RBM39: variants seen among roughly 807,000 people sequenced by gnomAD.
RBM39 encodes RNA-binding protein 39.
Under a neutral mutation model 79.6 loss-of-function variants are expected in RBM39, and 12 were observed. That is an observed-to-expected ratio of 0.15 (90% CI 0.10 to 0.24). The LOEUF (loss-of-function observed/expected upper bound fraction) is 0.24, where lower values mean the gene tolerates loss of function less well. Among genes scored for constraint, RBM39 ranks in the 10% least tolerant of loss-of-function variants. RBM39 has a pLI of 1.00. For synonymous variants in RBM39, 185 were observed against 208.4 expected, an observed-to-expected ratio of 0.89 and a Z score of 0.97; for missense variants, 243 against 653.4, an observed-to-expected ratio of 0.37 and a Z score of 6.85.
intron 4 of RBM39, among the ~76,000 whole-genome samples, chr20:35,730,813 G>A (rs946336015): frequency 6.6e-6 from 1 of 151,984 alleles, no homozygotes; most frequent in Non-Finnish European, 1.5e-5. Context: ...TACAGCATTC[G>A]AAATTAAAAT....
At position 35,702,397 on chromosome 20, in the gene RBM39, T is replaced by C. The variant is rs1352678829; in HGVS notation, c.*2084A>G. ...TTCAAGTTACTACACTCCAACCACA[T>C]TTCCTCTGAACATTATTTACACACC... On this transcript the variant is annotated 3_prime_UTR_variant, in exon 17 of 17. Coordinates refer to ENST00000253363, the MANE Select transcript of RBM39 (RefSeq NM_184234.3). 1.3e-5 allele frequency: 2 copies of C among 152,224 alleles called. No individual in the cohort carries two copies. The highest frequency in any genetic ancestry group is 2.9e-5 in the Non-Finnish European group (2 of 68,042). 9.4% of individuals were successfully genotyped at this position (152,224 alleles called of 1,614,324 possible).
intron 14 of RBM39, among the ~76,000 whole-genome samples, chr20:35,705,792 A>C (rs1345742207): frequency 6.6e-6 from 1 of 152,092 alleles, no homozygotes; most frequent in Non-Finnish European, 1.5e-5. Context: ...CGTCTCAAAA[A>C]AAAAAAAAAG....
chr20:35,723,674 G>A (rs1350595186), intron 8 of RBM39, among the ~76,000 whole-genome samples: 2 of 152,062 alleles, frequency 1.3e-5, no homozygotes, highest in Non-Finnish European at 1.5e-5. Context: ...CTGACCTCAG[G>A]TGATCCGCCC....
intron 8 of RBM39, among the ~76,000 whole-genome samples, chr20:35,722,825 T>C (rs2038151966): frequency 6.6e-6 from 1 of 151,790 alleles, no homozygotes; most frequent in Admixed American, 6.6e-5. Flanking sequence ...TCTCAGCTAC[T>C]TGAGAGACTC....
intron 2 of RBM39, chr20:35,739,723 A>C (rs1366291402): frequency 9.0e-6 from 3 of 333,678 alleles, no homozygotes. Context: ...ATTAAAACAG[A>C]AAGTAGCTCT....
At chr20:35,720,135 T>G (rs1468271460) in intron 9 of RBM39, 7 of 155,398 alleles carry the variant, frequency 4.5e-5, no homozygotes, top group African/African-American at 1.7e-4. Context: ...ATCTAGCTCC[T>G]TTTAAATTTA....
intron 3 of RBM39, chr20:35,732,428 C>A: frequency 3.1e-6 from 1 of 321,080 alleles, no homozygotes; most frequent in Non-Finnish European, 5.9e-6. Flanking sequence ...TAGTACCGTG[C>A]GCCTGTAGTC....
intron 6 of RBM39, among the ~76,000 whole-genome samples, chr20:35,726,950 G>A (rs959496733): frequency 2.6e-5 from 4 of 151,844 alleles, no homozygotes; most frequent in South Asian, 2.1e-4. Flanking sequence ...CTCTCTTCCC[G>A]AGTAACTGGG....
At chr20:35,730,153 G>A (rs769717970) in intron 4 of RBM39, among the ~76,000 whole-genome samples, 2 of 152,088 alleles carry the variant, frequency 1.3e-5, no homozygotes, top group African/African-American at 2.4e-5. Flanking sequence ...ATATTCCATC[G>A]TGAACATGTG....
chr20:35,710,691 T>G (rs1235623301), intron 12 of RBM39: 1 of 152,110 alleles, frequency 6.6e-6, no homozygotes, highest in Non-Finnish European at 1.5e-5. Flanking sequence ...CAGTAAACAC[T>G]CAACAATTTT....
chr20:35,711,129 G>T (rs941544191), intron 12 of RBM39, among the ~76,000 whole-genome samples: 32 of 152,258 alleles, frequency 2.1e-4, no homozygotes, highest in Admixed American at 2.0e-3. Flanking sequence ...CATCCAGGGT[G>T]TAAGAAAATT....
intron 3 of RBM39, chr20:35,736,621 T>C (rs1322980285): frequency 4.3e-6 from 2 of 466,912 alleles, no homozygotes; most frequent in African/African-American, 4.0e-5. Context: ...TTTTCTCTCG[T>C]TTTTCATTAA....
chr20:35,727,499 G>C (rs1004035907), intron 6 of RBM39, among the ~76,000 whole-genome samples: 4 of 149,946 alleles, frequency 2.7e-5, no homozygotes, highest in African/African-American at 7.4e-5. Context: ...TTTTTTTGTA[G>C]ACAGTCTTGC....
intron 8 of RBM39, 77 bp from the exon 9 acceptor site, chr20:35,721,954 CTAA>C (rs2037990703): frequency 6.7e-7 from 1 of 1,494,356 alleles, no homozygotes; most frequent in Non-Finnish European, 9.2e-7. Context: ...TGCATAACAA[CTAA>C]TGTTAAAGTT....
chr20:35,714,539 C>T, intron 10 of RBM39, 150 bp from the exon 11 acceptor site: 2 of 1,173,732 alleles, frequency 1.7e-6, no homozygotes, highest in African/African-American at 1.6e-5. Context: ...GCAAACACAA[C>T]ATACATGATG....
Position 35,740,198 on chromosome 20 carries a change from A to T in RBM39, c.51+626T>A, listed in dbSNP as rs987421028. The T allele has an allele frequency of 5.6e-5, 9 of 161,152 alleles. 1 individual carries two copies. The highest frequency in any genetic ancestry group is 1.3e-4 in the South Asian group (1 of 7,640). 10.0% of individuals were successfully genotyped at this position (161,152 alleles called of 1,614,324 possible). Reference sequence around the variant, plus strand: ...TTGTATTGACTCTACTGCCTCTTGTATTTTTTTTTTTTAATTTCTATTCAG... The same window carrying T: ...TTGTATTGACTCTACTGCCTCTTGTTTTTTTTTTTTTTAATTTCTATTCAG... On this transcript the variant is annotated intron_variant, in intron 2 of 16. Coordinates refer to ENST00000253363, the MANE Select transcript of RBM39 (RefSeq NM_184234.3).
chr20:35,715,684 G>C (rs1332651896), intron 10 of RBM39, among the ~76,000 whole-genome samples: 1 of 152,134 alleles, frequency 6.6e-6, no homozygotes, highest in Admixed American at 6.5e-5. Context: ...ACATAGTAAA[G>C]GAAAATAGGA....
intron 13 of RBM39, 31 bp from the exon 14 acceptor site, chr20:35,707,232 T>C (rs374019393): frequency 4.0e-6 from 6 of 1,515,216 alleles, no homozygotes; most frequent in African/African-American, 1.4e-5. Flanking sequence ...ATTAGTTTCA[T>C]GGAAAATGCA....
At chr20:35,723,298 G>C (rs1266785477) in intron 8 of RBM39, among the ~76,000 whole-genome samples, 1 of 151,634 alleles carries the variant, frequency 6.6e-6, no homozygotes, top group Non-Finnish European at 1.5e-5. Context: ...ACAAACTAGA[G>C]TACATTGGAT....
Sources: allele counts gnomAD v4.1 joint callset (sites outside exome capture counted in the v4.1 genomes callset), GRCh38; gene constraint gnomAD v4.1.1; transcripts MANE v1.5; gene names NCBI Gene and HGNC (gene_info 2026-07-23, HGNC 2026-07-21).